Variants in CMSS1 observed in about 807,000 individuals in gnomAD.
The protein encoded by CMSS1 is protein CMSS1.
In CMSS1, 33 loss-of-function variants were observed where a neutral mutation model predicts 43.5. The ratio of observed to expected loss-of-function variants is 0.76; its 90% CI spans 0.57 to 1.01. The LOEUF (loss-of-function observed/expected upper bound fraction) is 1.01. Ranked by LOEUF, CMSS1 falls within the 50% of genes least tolerant of loss-of-function variation. The pLI, the probability that CMSS1 is intolerant of heterozygous loss-of-function variation, is 0.00. For missense variants in CMSS1, 313 were observed against 326.4 expected, an observed-to-expected ratio of 0.96 and a Z score of 0.32; for synonymous variants, 115 against 117.2, an observed-to-expected ratio of 0.98 and a Z score of 0.12.
chr3:99,825,249 A>G (rs1942515268), intron 1 of CMSS1, among the ~76,000 whole-genome samples: 1 of 152,330 alleles, frequency 6.6e-6, no homozygotes, highest in Middle Eastern at 3.4e-3. Flanking sequence ...CTTGTTTTAG[A>G]CACTGTACCA....
intron 1 of CMSS1, among the ~76,000 whole-genome samples, chr3:99,872,884 T>C (rs904863947): frequency 6.6e-6 from 1 of 151,930 alleles, no homozygotes; most frequent in Non-Finnish European, 1.5e-5. Context: ...GAGACGATGT[T>C]AGTGCAGATG....
At chr3:99,894,641 G>T (rs1207093709) in intron 1 of CMSS1, among the ~76,000 whole-genome samples, 2 of 152,174 alleles carry the variant, frequency 1.3e-5, no homozygotes, top group African/African-American at 4.8e-5. Context: ...TTACTATCTT[G>T]CAGAAAGACT....
At chr3:99,873,017 G>C (rs1705313901) in intron 1 of CMSS1, among the ~76,000 whole-genome samples, 1 of 151,960 alleles carries the variant, frequency 6.6e-6, no homozygotes, top group Non-Finnish European at 1.5e-5. Context: ...CTCAAAACAT[G>C]AATGTCCTAC....
At chr3:100,005,603 T>A (rs575115010) in intron 1 of CMSS1, among the ~76,000 whole-genome samples, 2 of 152,362 alleles carry the variant, frequency 1.3e-5, no homozygotes, top group South Asian at 4.1e-4. Context: ...ATTCCAATGA[T>A]TCTAAAGTTA....
At chr3:100,159,823 C>T in intron 2 of CMSS1, 1 of 453,910 alleles carries the variant, frequency 2.2e-6, no homozygotes, top group Admixed American at 2.4e-5. Flanking sequence ...ACTCTAGATA[C>T]TGTGGTGCTG....
chr3:99,829,613 T>C (rs1559647749), intron 1 of CMSS1, among the ~76,000 whole-genome samples: 2 of 152,170 alleles, frequency 1.3e-5, no homozygotes, highest in African/African-American at 4.8e-5. Flanking sequence ...GGAATTTGAG[T>C]CTCCTAACCC....
chr3:100,014,489 T>C (rs1285030589), intron 1 of CMSS1, among the ~76,000 whole-genome samples: 1 of 152,126 alleles, frequency 6.6e-6, no homozygotes, highest in Non-Finnish European at 1.5e-5. Context: ...TTTCTCCACA[T>C]CCTCACCAAC....
Position 99,850,682 on chromosome 3 carries a change from G to A in CMSS1, c.64+32639G>A, listed in dbSNP as rs759335251. 48 of 1,613,964 alleles carry A rather than the reference G, an allele frequency of 3.0e-5. 1 individual carries two copies. Among genetic ancestry groups the A allele is most frequent in the Middle Eastern group, 1.7e-4 (1 of 6,060 alleles). On this transcript the variant is annotated intron_variant, in intron 1 of 9. Transcript: ENST00000421999. Reference sequence around the variant, plus strand: ...GTCTCTTCTAACTCATCAATCTGCCGGCTGAGTGCTGCCAGCTTTTGTTGA... The same window carrying A: ...GTCTCTTCTAACTCATCAATCTGCCAGCTGAGTGCTGCCAGCTTTTGTTGA...
At chr3:99,876,152 C>T (rs997460656) in intron 1 of CMSS1, 1 of 985,886 alleles carries the variant, frequency 1.0e-6, no homozygotes, top group African/African-American at 1.7e-5. Context: ...TGTGCGCGCT[C>T]CGAGAGTCGC....
chr3:100,046,182 T>C (rs17393080), intron 1 of CMSS1, among the ~76,000 whole-genome samples: 1,838 of 152,220 alleles, frequency 0.012, 24 homozygotes, highest in African/African-American at 0.028. Flanking sequence ...CACTGATAAC[T>C]CTATGAATCT....
chr3:100,116,365 C>T (rs1303559359), intron 1 of CMSS1, among the ~76,000 whole-genome samples: 3 of 152,126 alleles, frequency 2.0e-5, no homozygotes, highest in Non-Finnish European at 2.9e-5. Flanking sequence ...TTATAAATCA[C>T]TAATATCATT....
chr3:99,893,650 G>T (rs1706162943), intron 1 of CMSS1, among the ~76,000 whole-genome samples: 1 of 152,086 alleles, frequency 6.6e-6, no homozygotes, highest in Non-Finnish European at 1.5e-5. Context: ...AAAGCAGATA[G>T]CTAATTCCTT....
intron 1 of CMSS1, among the ~76,000 whole-genome samples, chr3:99,927,526 C>T (rs1293308550): frequency 6.6e-6 from 1 of 152,034 alleles, no homozygotes; most frequent in East Asian, 1.9e-4. Flanking sequence ...TGTGCCACCA[C>T]GCCCGGCTAA....
At chr3:99,836,671 A>G (rs1018107501) in intron 1 of CMSS1, among the ~76,000 whole-genome samples, 4 of 152,194 alleles carry the variant, frequency 2.6e-5, no homozygotes, top group Admixed American at 2.0e-4. Flanking sequence ...ACTCTATCTT[A>G]ATGATAAGAA....
chr3:100,091,527 G>C lies in CMSS1; in HGVS notation c.65-55446G>C, dbSNP rs983365443. On this transcript the variant is annotated intron_variant, in intron 1 of 9. Coordinates refer to ENST00000421999, the MANE Select transcript of CMSS1 (RefSeq NM_032359.4). The stretch of plus-strand genomic sequence containing the variant: ...CTTTGCAGCACAAGCCTTCTACCCT[G>C]TTCCCAGCCATAAGCATCATAAGTT... 2.0e-5 allele frequency among the ~76,000 whole-genome samples: 3 copies of C among 152,186 alleles called. 1 individual carries two copies. In the South Asian group the frequency reaches 6.2e-4, roughly 32 times the overall value.
At chr3:99,999,844 C>T (rs1318500333) in intron 1 of CMSS1, among the ~76,000 whole-genome samples, 2 of 152,126 alleles carry the variant, frequency 1.3e-5, no homozygotes, top group Non-Finnish European at 2.9e-5. Context: ...AAAAACAAAA[C>T]AAAACAAAAC....
chr3:100,061,315 T>C (rs142693727), intron 1 of CMSS1, among the ~76,000 whole-genome samples: 341 of 152,342 alleles, frequency 2.2e-3, no homozygotes, highest in Middle Eastern at 0.01. Flanking sequence ...TGAGTCCAAG[T>C]TGGGGCCAAG....
rs114758127 is a variant in CMSS1, at chr3:100,019,721, T to C, written c.65-127252T>C. Among the ~76,000 whole-genome samples the C allele has an allele frequency of 4.2e-3, 646 of 152,348 alleles. 4 individuals are homozygous for C. The highest frequency in any genetic ancestry group is 0.014 in the African/African-American group (600 of 41,578). On this transcript the variant is annotated intron_variant, in intron 1 of 9. Coordinates refer to ENST00000421999, the MANE Select transcript of CMSS1 (RefSeq NM_032359.4). ...ATGAATGTATGCTGATGTATGTTTG[T>C]GTAAGACTGCGATTCACATTCTACA...
At chr3:100,063,163 C>T (rs1441998142) in intron 1 of CMSS1, among the ~76,000 whole-genome samples, 1 of 152,160 alleles carries the variant, frequency 6.6e-6, no homozygotes, top group Non-Finnish European at 1.5e-5. Context: ...TATCAGTACC[C>T]TCACCCACTA....
Sources: gnomAD v4.1 joint callset for allele counts (sites outside exome capture counted in the v4.1 genomes callset) on GRCh38, gnomAD v4.1.1 for gene constraint, MANE v1.5 for transcripts, NCBI Gene and HGNC (gene_info 2026-07-23, HGNC 2026-07-21) for gene names.